TINAG: variants seen among roughly 807,000 people sequenced by gnomAD.
The protein encoded by TINAG is tubulointerstitial nephritis antigen.
TINAG carries 83 observed loss-of-function variants against 72.7 expected under a neutral mutation model. The ratio of observed to expected loss-of-function variants is 1.14; its 90% confidence interval spans 0.96 to 1.37. The LOEUF is 1.37. Ranked by LOEUF, TINAG falls within the 40% of genes most tolerant of loss-of-function variation. The probability of loss-of-function intolerance (pLI) is 0.00; values close to 1 mark genes in which losing one functional copy is unlikely to be tolerated. For missense variants in TINAG, 685 were observed against 576.6 expected (o/e 1.19, Z -1.93); for synonymous variants, 234 against 189.9 (o/e 1.23, Z -1.91).
At chr6:54,336,460 C>T (rs1562158545) in intron 4 of TINAG, among the ~76,000 whole-genome samples, 1 of 152,012 alleles carries the variant, frequency 6.6e-6, no homozygotes, top group South Asian at 2.1e-4. Flanking sequence ...TTCTATGATG[C>T]TCTTATATCA....
intron 4 of TINAG, among the ~76,000 whole-genome samples, chr6:54,338,884 T>TA (rs1441655150): frequency 1.3e-5 from 2 of 152,084 alleles, no homozygotes; most frequent in Non-Finnish European, 2.9e-5. Context: ...TAGCAGTTTG[T>TA]AAAAAACACT....
chr6:54,322,858 A>G (rs1325176978), intron 3 of TINAG, among the ~76,000 whole-genome samples: 1 of 152,240 alleles, frequency 6.6e-6, no homozygotes, highest in Non-Finnish European at 1.5e-5. Flanking sequence ...TTCAAAGAAG[A>G]TGAGAGTATA....
intron 9 of TINAG, among the ~76,000 whole-genome samples, chr6:54,371,628 G>A (rs1366888544): frequency 6.6e-6 from 1 of 151,756 alleles, no homozygotes; most frequent in Admixed American, 6.6e-5. Context: ...ATGAATAAAG[G>A]TAGTAAGGAA....
intron 1 of TINAG, among the ~76,000 whole-genome samples, chr6:54,317,016 T>C (rs1450241334): frequency 2.6e-5 from 4 of 152,166 alleles, no homozygotes; most frequent in Non-Finnish European, 1.5e-5. Flanking sequence ...CAAGATGCTG[T>C]GTGTAACCAA....
At chr6:54,344,077 A>G (rs1314521393) in intron 5 of TINAG, among the ~76,000 whole-genome samples, 2 of 152,176 alleles carry the variant, frequency 1.3e-5, no homozygotes, top group African/African-American at 2.4e-5. Flanking sequence ...ACCTAACATG[A>G]TGATTGGCTG....
intron 9 of TINAG, among the ~76,000 whole-genome samples, chr6:54,355,714 C>CGTT (rs67443166): frequency 6.9e-6 from 1 of 145,106 alleles, no homozygotes; most frequent in Non-Finnish European, 1.5e-5. Flanking sequence ...AAAAATGTAA[C>CGTT]GTGTGTGTGT....
chr6:54,374,672 T>A (rs1046041966), intron 9 of TINAG, among the ~76,000 whole-genome samples: 1 of 152,118 alleles, frequency 6.6e-6, no homozygotes, highest in African/African-American at 2.4e-5. Context: ...TAGTCTTACC[T>A]CTGAAAGCAA....
At chr6:54,388,041 A>T (rs924915461) in intron 10 of TINAG, among the ~76,000 whole-genome samples, 23 of 152,164 alleles carry the variant, frequency 1.5e-4, no homozygotes, top group African/African-American at 5.5e-4. Flanking sequence ...ATATTTACCA[A>T]GAATGTAATT....
At chr6:54,323,048 G>C (rs1423005737) in intron 3 of TINAG, among the ~76,000 whole-genome samples, 1 of 152,166 alleles carries the variant, frequency 6.6e-6, no homozygotes, top group East Asian at 1.9e-4. Context: ...TATTAGGTTG[G>C]TGCAAAACTC....
At chr6:54,333,515 T>C (rs1253202367) in intron 4 of TINAG, among the ~76,000 whole-genome samples, 2 of 151,940 alleles carry the variant, frequency 1.3e-5, no homozygotes, top group African/African-American at 4.8e-5. Context: ...ATATCTAATG[T>C]AGATGATGGA....
chr6:54,331,758 A>C (rs569107144), intron 4 of TINAG, among the ~76,000 whole-genome samples: 48 of 143,196 alleles, frequency 3.4e-4, no homozygotes, highest in African/African-American at 1.3e-3. Flanking sequence ...AACTTCAGCA[A>C]AGTCTTAGGA....
chr6:54,339,294 G>A (rs916807868), intron 4 of TINAG, among the ~76,000 whole-genome samples: 6 of 152,120 alleles, frequency 3.9e-5, no homozygotes, highest in African/African-American at 1.4e-4. Context: ...GTACTCTGTG[G>A]TGCTGGATAC....
intron 4 of TINAG, among the ~76,000 whole-genome samples, chr6:54,328,751 G>C (rs1297955679): frequency 1.3e-5 from 2 of 151,920 alleles, no homozygotes; most frequent in Admixed American, 1.3e-4. Flanking sequence ...CTACTAACCA[G>C]AATAACCAGT....
intron 4 of TINAG, among the ~76,000 whole-genome samples, chr6:54,340,395 CA>C (rs374080620): frequency 6.3e-3 from 783 of 125,136 alleles, no homozygotes; most frequent in African/African-American, 0.013. Flanking sequence ...TTTTATTAAG[CA>C]AAAAAAAAAA....
intron 4 of TINAG, 43 bp from the exon 5 acceptor site, chr6:54,343,181 CAT>C: frequency 7.0e-7 from 1 of 1,421,394 alleles, no homozygotes; most frequent in East Asian, 2.6e-5. Flanking sequence ...CCTATTGAGA[CAT>C]ATTTGAGAAA....
At chr6:54,347,601 T>C in intron 6 of TINAG, 84 bp downstream of exon 6, 1 of 1,384,462 alleles carries the variant, frequency 7.2e-7, no homozygotes, top group Non-Finnish European at 9.8e-7. Context: ...CCAAGATTTT[T>C]ACAAAAAAGT....
At chr6:54,363,035 G>T (rs1209119138) in intron 9 of TINAG, among the ~76,000 whole-genome samples, 1 of 151,484 alleles carries the variant, frequency 6.6e-6, no homozygotes, top group Non-Finnish European at 1.5e-5. Flanking sequence ...GAGAAACGTC[G>T]CTGAGGAAGT....
At position 54,351,306 on chromosome 6, in the gene TINAG, A is replaced by G. The variant is rs776389657; in HGVS notation, c.1081-46A>G. ...TTGTACACCAATCAATGGGTTTAGT[A>G]TGCTCTGATAACAATGATATTGCTT... On this transcript the variant is annotated intron_variant, in intron 7 of 10. Transcript: ENST00000259782. 25 of 1,528,426 alleles carry G rather than the reference A, an allele frequency of 1.6e-5. No homozygotes were observed. The South Asian group carries it at 2.7e-4, about 17-fold the overall frequency. The allele number at this position is 1,528,426 out of a possible 1,614,324, so 94.7% of individuals were successfully genotyped here.
At chr6:54,351,223 G>C (rs1326552949) in intron 7 of TINAG, 129 bp from the exon 8 acceptor site, 2 of 698,024 alleles carry the variant, frequency 2.9e-6, no homozygotes, top group Admixed American at 6.1e-5. Flanking sequence ...CATTAATGTA[G>C]CATAATATAC....
Sources: allele counts gnomAD v4.1 joint callset (sites outside exome capture counted in the v4.1 genomes callset), GRCh38; gene constraint gnomAD v4.1.1; transcripts MANE v1.5; gene names NCBI Gene and HGNC (gene_info 2026-07-23, HGNC 2026-07-21).